GATA4: variants seen among roughly 807,000 people sequenced by gnomAD.
GATA4 encodes transcription factor GATA-4.
In GATA4, 7 loss-of-function variants were observed where a neutral mutation model predicts 37.9. The ratio of observed to expected loss-of-function variants is 0.18; its 90% CI spans 0.11 to 0.35. The LOEUF (loss-of-function observed/expected upper bound fraction) is 0.35, where lower values mean the gene tolerates loss of function less well. GATA4 is among the 10% of genes least tolerant of loss of function. The pLI, the probability that GATA4 is intolerant of heterozygous loss-of-function variation, is 1.00. For missense variants in GATA4, 647 were observed against 653.0 expected (o/e 0.99, Z 0.10); for synonymous variants, 372 against 292.6 (o/e 1.27, Z -2.77).
upstream of GATA4, among the ~76,000 whole-genome samples, chr8:11,702,027 C>T (rs1271686022): frequency 6.6e-6 from 1 of 152,214 alleles, no homozygotes; most frequent in African/African-American, 2.4e-5. This position sits in a 1 kb window ranked among gnomAD's most constrained non-coding sequence, Gnocchi z 4.4. Flanking sequence ...CACAGCACAG[C>T]CTGTTATAGC....
chr8:11,744,851 G>C (rs1191151238), intron 2 of GATA4, among the ~76,000 whole-genome samples: 1 of 152,132 alleles, frequency 6.6e-6, no homozygotes, highest in Non-Finnish European at 1.5e-5. Flanking sequence ...CTTCTATGCT[G>C]GTGGGAATTC....
Position 11,757,040 on chromosome 8 carries a change from C to T in GATA4, c.1106C>T (p.Pro369Leu), listed in dbSNP as rs775379687. ...GAGATGCGTCCCATCAAGACGGAGCCTGGCCTGTCATCTCACTACGGGCAC... is the reference window on the plus strand; with the variant it reads ...GAGATGCGTCCCATCAAGACGGAGCTTGGCCTGTCATCTCACTACGGGCAC... ...SEEMRPIKTE[P>L]GLSSHYGHSS... The change falls in exon 6 of 7, where the codon CCT becomes CTT. Residue 369 changes from proline to leucine, a missense_variant. Physicochemically the swap from Pro to Leu is moderately conservative, Grantham distance 98. Coordinates refer to ENST00000532059, the MANE Select transcript of GATA4 (RefSeq NM_001308093.3). 8.1e-6 allele frequency: 13 copies of T among 1,614,136 alleles called. No homozygotes were observed. The highest frequency in any genetic ancestry group is 1.3e-5 in the African/African-American group (1 of 74,946).
At chr8:11,736,580 C>T (rs117982404) in intron 2 of GATA4, among the ~76,000 whole-genome samples, 1 of 152,250 alleles carries the variant, frequency 6.6e-6, no homozygotes, top group Non-Finnish European at 1.5e-5. Flanking sequence ...GGCTGGAGGA[C>T]CTTCGTCAAG....
intron 2 of GATA4, among the ~76,000 whole-genome samples, chr8:11,713,574 T>G (rs1800296258): frequency 6.6e-6 from 1 of 150,886 alleles, no homozygotes; most frequent in African/African-American, 2.4e-5. Context: ...GCTTTTAGGC[T>G]GGAGAAGTCA....
rs1800099470 is a variant in GATA4, at chr8:11,709,960, G to T, written c.616+1032G>T. Among the ~76,000 whole-genome samples the T allele has an allele frequency of 6.6e-6, 1 of 152,218 alleles. No homozygotes were observed. Among genetic ancestry groups the T allele is most frequent in the African/African-American group, 2.4e-5 (1 of 41,462 alleles). On this transcript the variant is annotated intron_variant, in intron 2 of 6. Transcript: ENST00000532059. This position sits in a 1 kb window ranked among gnomAD's most constrained non-coding sequence, Gnocchi z 4.3. The stretch of plus-strand genomic sequence containing the variant: ...TGGATTGAGCCCACCCTGTGGGGGA[G>T]GGGAAGCCCAGGCTTGAGAAGCAAA...
chr8:11,739,176 C>T (rs1801602399), intron 2 of GATA4, among the ~76,000 whole-genome samples: 1 of 152,184 alleles, frequency 6.6e-6, no homozygotes, highest in African/African-American at 2.4e-5. Context: ...GAGATGCTTG[C>T]TTAATTAACT....
At chr8:11,690,395 T>C (rs1341215864), upstream of GATA4, among the ~76,000 whole-genome samples, 1 of 152,196 alleles carries the variant, frequency 6.6e-6, no homozygotes, top group Non-Finnish European at 1.5e-5. Context: ...AATACAAAGA[T>C]GTCAAATATA....
At chr8:11,710,187 G>A (rs780463223) in intron 2 of GATA4, among the ~76,000 whole-genome samples, 2 of 152,148 alleles carry the variant, frequency 1.3e-5, no homozygotes, top group Admixed American at 6.5e-5. Context: ...CACATCGCCG[G>A]CAAACTGATT....
intron 1 of GATA4, among the ~76,000 whole-genome samples, chr8:11,684,590 C>T (rs73535993): frequency 3.3e-5 from 5 of 152,182 alleles, no homozygotes; most frequent in Non-Finnish European, 7.4e-5. Flanking sequence ...GATTTGAATT[C>T]CATCTCCTCC....
chr8:11,688,995 T>C (rs1340419022), upstream of GATA4, among the ~76,000 whole-genome samples: 6 of 152,238 alleles, frequency 3.9e-5, no homozygotes, highest in South Asian at 2.1e-4. Flanking sequence ...GTTTACCTTA[T>C]ATTTTTATCA....
At chr8:11,742,904 G>T (rs1469259794) in intron 2 of GATA4, among the ~76,000 whole-genome samples, 2 of 152,244 alleles carry the variant, frequency 1.3e-5, no homozygotes, top group Admixed American at 6.5e-5. Flanking sequence ...CTGAGACTTT[G>T]CTCTGAAGCC....
intron 5 of GATA4, 109 bp downstream of exon 5, chr8:11,755,242 G>A: frequency 3.6e-6 from 3 of 838,358 alleles, no homozygotes; most frequent in East Asian, 2.6e-5. Context: ...CCAGGGGGTG[G>A]TGACAGCATC....
chr8:11,680,957 G>C (rs970834291), intron 1 of GATA4: 2 of 984,746 alleles, frequency 2.0e-6, no homozygotes, highest in African/African-American at 3.5e-5. Context: ...TGTCCCCCAG[G>C]TTAGGCTGCT....
At chr8:11,683,141 C>A in intron 1 of GATA4, 1 of 984,880 alleles carries the variant, frequency 1.0e-6, no homozygotes, top group Non-Finnish European at 1.2e-6. Flanking sequence ...GGGTTTGCTC[C>A]AGCAGAGATA....
chr8:11,744,701 G>A (rs1353280497), intron 2 of GATA4, among the ~76,000 whole-genome samples: 1 of 152,218 alleles, frequency 6.6e-6, no homozygotes, highest in African/African-American at 2.4e-5. Context: ...GAGCAGGTTG[G>A]ATGGCAGGAT....
intron 5 of GATA4, 148 bp from the exon 6 acceptor site, chr8:11,756,787 G>T: frequency 9.8e-7 from 1 of 1,020,922 alleles, no homozygotes; most frequent in Non-Finnish European, 1.5e-6. Flanking sequence ...GAGAACTGTA[G>T]CCCTCCGCAG....
chr8:11,714,872 G>A (rs1049117053), intron 2 of GATA4, among the ~76,000 whole-genome samples: 4 of 152,124 alleles, frequency 2.6e-5, no homozygotes, highest in Admixed American at 1.3e-4. Flanking sequence ...AGTGTAAATC[G>A]CTCTGACCTT....
intron 1 of GATA4, chr8:11,683,216 C>G: frequency 1.2e-6 from 1 of 812,232 alleles, no homozygotes; most frequent in Non-Finnish European, 1.5e-6. Flanking sequence ...CAGCATTTAT[C>G]CGGAGCGGGG....
intron 2 of GATA4, among the ~76,000 whole-genome samples, chr8:11,746,952 A>G (rs934615379): frequency 6.6e-6 from 1 of 152,226 alleles, no homozygotes; most frequent in Non-Finnish European, 1.5e-5. Flanking sequence ...GTGTACCCAG[A>G]GTTGTGGGGA....
Sources: gnomAD v4.1 joint callset for allele counts (sites outside exome capture counted in the v4.1 genomes callset) on GRCh38, gnomAD v4.1.1 for gene constraint, Gnocchi (gnomAD v3.1) non-coding constraint, MANE v1.5 for transcripts, NCBI Gene and HGNC (gene_info 2026-07-23, HGNC 2026-07-21) for gene names.